RCC1: variants seen among roughly 807,000 people sequenced by gnomAD.
RCC1 encodes regulator of chromosome condensation.
A neutral mutation model predicts 44.4 loss-of-function variants in RCC1; 11 were observed. The observed-to-expected ratio is 0.25, with a 90% confidence interval of 0.16 to 0.41. The LOEUF (loss-of-function observed/expected upper bound fraction) is 0.41. Among genes scored for constraint, RCC1 ranks in the 10% least tolerant of loss-of-function variants. The probability of loss-of-function intolerance (pLI) is 1.00; values close to 1 mark genes in which losing one functional copy is unlikely to be tolerated. For missense variants in RCC1, 386 were observed against 547.1 expected (o/e 0.71, Z 2.94); for synonymous variants, 213 against 216.5 (o/e 0.98, Z 0.14).
chr1:28,532,374 C>T (rs753941163), intron 7 of RCC1, 24 bp downstream of exon 7: 4 of 1,612,186 alleles, frequency 2.5e-6, no homozygotes, highest in Middle Eastern at 1.7e-4. Context: ...TGAAAGTCTG[C>T]ATGGTCCCTG....
At chr1:28,531,461 C>T (rs1399083337) in intron 5 of RCC1, among the ~76,000 whole-genome samples, 2 of 151,772 alleles carry the variant, frequency 1.3e-5, no homozygotes, top group Non-Finnish European at 2.9e-5. Context: ...GTGATCCGCC[C>T]GCCTTGGCCT....
chr1:28,526,748 T>G (rs960147866), intron 4 of RCC1: 22 of 530,694 alleles, frequency 4.1e-5, no homozygotes, highest in Non-Finnish European at 7.1e-5. Flanking sequence ...ATACAAAAAT[T>G]AGCCAGGCGT....
chr1:28,535,112 G>A lies in RCC1; in HGVS notation c.504G>A (p.Val168=). The A allele has an allele frequency of 6.2e-7, 1 of 1,614,154 alleles. No individual in the cohort carries two copies. The highest frequency in any genetic ancestry group is 1.1e-5 in the South Asian group (1 of 91,088). ...PMKKSMVPVQ[V]QLDVPVVKVA... is the part of the protein sequence containing the mutation. Reference sequence around the variant, plus strand: ...AGAAGAGCATGGTGCCTGTGCAGGTGCAGCTGGATGTGCCTGTGGTAAAGG... The same window carrying A: ...AGAAGAGCATGGTGCCTGTGCAGGTACAGCTGGATGTGCCTGTGGTAAAGG... The change falls in exon 8 of 13, where the codon GTG becomes GTA. Residue 168 remains valine (V), a synonymous_variant. Coordinates refer to ENST00000683442, the MANE Select transcript of RCC1 (RefSeq NM_001381865.2).
rs187908369 is a variant in RCC1 at position 28,517,198 on chromosome 1, A to G, written c.-10+331A>G. Among the ~76,000 whole-genome samples, 467 of 152,140 alleles carry G rather than the reference A, an allele frequency of 3.1e-3. 1 individual carries two copies. The highest frequency in any genetic ancestry group is 0.01 in the African/African-American group (419 of 41,530). On this transcript the variant is annotated intron_variant, in intron 4 of 12. Coordinates refer to ENST00000683442, the MANE Select transcript of RCC1 (RefSeq NM_001381865.2). ...TCTAGACTTTGGGTGCCGTAGAATG[A>G]CTCAGAGTCTGAATCAACATGAAAT...
At position 28,508,913 on chromosome 1, in the gene RCC1, GATT is replaced by G. The variant is rs1557865239; in HGVS notation, c.-153+9_-153+11del. The G allele has an allele frequency of 2.0e-6, 1 of 504,392 alleles. No individual in the cohort carries two copies. The highest frequency in any genetic ancestry group is 2.0e-5 in the Admixed American group (1 of 49,718). 31.2% of individuals were successfully genotyped at this position (504,392 alleles called of 1,614,324 possible). A position where few individuals can be genotyped will look rare whatever the true frequency, so the allele number is the denominator to read the frequency against. On this transcript the variant is annotated intron_variant, in intron 3 of 12. Coordinates refer to ENST00000683442, the MANE Select transcript of RCC1 (RefSeq NM_001381865.2). ...ATATAGAAGGGAGAGTAGGTAAACT[GATT>G]TTTTTTTTTAACAGGGAGGGTTTGA...
rs1367350566 is a variant in RCC1, at chr1:28,536,728, T to C, written c.938-19T>C. Reference sequence around the variant, plus strand: ...AGCACGCCCTCTGCTATTGCTCATCTCTCTCCCTCCTCCCATAGGAAAAGC... The same window carrying C: ...AGCACGCCCTCTGCTATTGCTCATCCCTCTCCCTCCTCCCATAGGAAAAGC... On this transcript the variant is annotated intron_variant, in intron 11 of 12. Transcript: ENST00000683442. This position sits in a 1 kb window ranked among gnomAD's most constrained non-coding sequence, Gnocchi z 4.9. 6.2e-7 allele frequency: 1 copy of C among 1,612,974 alleles called. No individual in the cohort carries two copies. Among genetic ancestry groups the C allele is most frequent in the Non-Finnish European group, 8.5e-7 (1 of 1,179,370 alleles).
At chr1:28,518,695 G>T (rs990678823) in intron 4 of RCC1, 1 of 151,972 alleles carries the variant, frequency 6.6e-6, no homozygotes, top group African/African-American at 2.4e-5. Context: ...GGTTTTGTCC[G>T]GCATGCGCTT....
intron 5 of RCC1, 47 bp from the exon 6 acceptor site, chr1:28,531,756 G>C (rs778380140): frequency 6.9e-7 from 1 of 1,444,532 alleles, no homozygotes; most frequent in Non-Finnish European, 9.2e-7. Context: ...ACCTCTCCTC[G>C]CTGTCGTCAT....
At chr1:28,537,556 G>C (rs1570229933) in intron 12 of RCC1, among the ~76,000 whole-genome samples, 1 of 152,226 alleles carries the variant, frequency 6.6e-6, no homozygotes, top group African/African-American at 2.4e-5. Flanking sequence ...AAAGGTGGCT[G>C]GTCCTGGGAA....
intron 12 of RCC1, 84 bp from the exon 13 acceptor site, chr1:28,537,748 A>C (rs1445071021): frequency 7.1e-7 from 1 of 1,410,994 alleles, no homozygotes; most frequent in Non-Finnish European, 9.6e-7. Flanking sequence ...GCCACAGTCC[A>C]CGCCCATGTC....
rs140602913 is a variant in RCC1, at chr1:28,515,213, C to T, written c.-152-1512C>T. On this transcript the variant is annotated intron_variant, in intron 3 of 12. Coordinates refer to ENST00000683442, the MANE Select transcript of RCC1 (RefSeq NM_001381865.2). ...GCTGAAACAGGAGAATTGCTTGAAC[C>T]CAGGAGGCAGAGATTGCAGTGAACT... Among the ~76,000 whole-genome samples the T allele has an allele frequency of 2.0e-3, 297 of 152,056 alleles. 5 individuals carry two copies. The highest frequency in any genetic ancestry group is 0.015 in the Admixed American group (227 of 15,238).
rs868594204 is a variant in RCC1, at chr1:28,538,243, G to A, written c.*236G>A. On this transcript the variant is annotated 3_prime_UTR_variant, in exon 13 of 13. Transcript: ENST00000683442. ...GACAGGGGGTTTTCAAAAGGAACAT[G>A]GCTCACTCAGAGCTATATGGTTAGA... 7.4e-5 allele frequency: 33 copies of A among 443,062 alleles called. No homozygotes were observed. The highest frequency in any genetic ancestry group is 5.9e-4 in the Middle Eastern group (1 of 1,686). The allele number at this position is 443,062 out of a possible 1,614,324, so 27.4% of individuals were successfully genotyped here.
rs1664017072 is a variant in RCC1, at chr1:28,529,956, C to T, written c.73+17C>T. 9 of 1,608,952 alleles carry T rather than the reference C, an allele frequency of 5.6e-6. No homozygotes were observed. The highest frequency in any genetic ancestry group is 4.4e-5 in the South Asian group (4 of 90,718). On this transcript the variant is annotated intron_variant, in intron 5 of 12. Coordinates refer to ENST00000683442, the MANE Select transcript of RCC1 (RefSeq NM_001381865.2). The stretch of plus-strand genomic sequence containing the variant: ...AGGTGAAGGGTAAGTTGGCCTTGGC[C>T]TCTTTGTGGGTACAGGTGGCCCCTT...
chr1:28,508,068 C>T, intron 1 of RCC1, 60 bp from the exon 2 acceptor site: 2 of 414,778 alleles, frequency 4.8e-6, no homozygotes. Context: ...TAGCATGAGG[C>T]CCCTCGTTGA....
intron 4 of RCC1, chr1:28,527,150 G>T: frequency 2.4e-6 from 3 of 1,270,390 alleles, no homozygotes; most frequent in South Asian, 2.5e-5. Context: ...GGGCTGCAGT[G>T]GCAGAAATGC....
intron 5 of RCC1, chr1:28,530,701 A>G: frequency 8.8e-7 from 1 of 1,132,700 alleles, no homozygotes; most frequent in Admixed American, 2.6e-5. Context: ...GCTGGGCGCC[A>G]TTGGCTGCCC....
intron 7 of RCC1, among the ~76,000 whole-genome samples, chr1:28,533,840 C>T (rs372438571): frequency 3.7e-3 from 119 of 32,530 alleles, no homozygotes; most frequent in Admixed American, 7.8e-3. Flanking sequence ...CTTTTCTTTT[C>T]TTTTCTTTTT....
intron 4 of RCC1, chr1:28,518,295 C>G (rs1008143206): frequency 1.9e-4 from 29 of 152,354 alleles, no homozygotes; most frequent in African/African-American, 6.5e-4. Context: ...TCCTTGTGGC[C>G]GACGTGCACC....
At chr1:28,506,265 A>G (rs1193345205) in intron 1 of RCC1, 181 bp downstream of exon 1, 4 of 439,528 alleles carry the variant, frequency 9.1e-6, no homozygotes, top group Non-Finnish European at 1.8e-5. Flanking sequence ...GCTCGTTGCA[A>G]CCTCCGCCTG....
Sources: allele counts gnomAD v4.1 joint callset (sites outside exome capture counted in the v4.1 genomes callset), GRCh38; gene constraint gnomAD v4.1.1; non-coding constraint Gnocchi (gnomAD v3.1); transcripts MANE v1.5; gene names NCBI Gene and HGNC (gene_info 2026-07-23, HGNC 2026-07-21).